ZNF280D: variants seen among roughly 807,000 people sequenced by gnomAD.
The protein encoded by ZNF280D is zinc finger protein 280D.
Under a neutral mutation model 94.7 loss-of-function variants are expected in ZNF280D, and 39 were observed. The observed-to-expected ratio is 0.41, with a 90% CI of 0.32 to 0.54. The LOEUF (loss-of-function observed/expected upper bound fraction) is 0.54. Among genes scored for constraint, ZNF280D ranks in the 20% least tolerant of loss-of-function variants. The pLI is 0.22. For missense variants in ZNF280D, 1,090 were observed against 1,149.3 expected (o/e 0.95, Z 0.75); for synonymous variants, 398 against 377.6 (o/e 1.05, Z -0.63).
intron 3 of ZNF280D, 104 bp downstream of exon 3, chr15:56,706,978 A>C: frequency 9.4e-7 from 1 of 1,064,760 alleles, no homozygotes. Context: ...AATTTTAAGC[A>C]TTTTTGTTTT....
At chr15:56,720,842 G>C (rs2058316447) in intron 1 of ZNF280D, among the ~76,000 whole-genome samples, 1 of 151,976 alleles carries the variant, frequency 6.6e-6, no homozygotes, top group Non-Finnish European at 1.5e-5. Flanking sequence ...TTCAATAACA[G>C]GCTTAAATTT....
At chr15:56,723,625 T>C (rs1468349447) in intron 1 of ZNF280D, among the ~76,000 whole-genome samples, 1 of 152,204 alleles carries the variant, frequency 6.6e-6, no homozygotes, top group Non-Finnish European at 1.5e-5. Context: ...TGGAGGTTTT[T>C]TTCAATGTCT....
chr15:56,635,112 G>T, intron 21 of ZNF280D, 83 bp downstream of exon 21: 1 of 778,968 alleles, frequency 1.3e-6, no homozygotes, highest in Non-Finnish European at 2.0e-6. Context: ...ATAGTCCTTT[G>T]CCAGTTAACT....
chr15:56,642,556 C>T (rs1244223747), intron 20 of ZNF280D, among the ~76,000 whole-genome samples: 4 of 151,658 alleles, frequency 2.6e-5, no homozygotes, highest in Non-Finnish European at 4.4e-5. Flanking sequence ...CAAAATATTT[C>T]TATTTTAAAA....
intron 13 of ZNF280D, among the ~76,000 whole-genome samples, chr15:56,671,584 T>C (rs555817711): frequency 6.6e-6 from 1 of 152,278 alleles, no homozygotes; most frequent in Non-Finnish European, 1.5e-5. Flanking sequence ...TATAGCCCTG[T>C]AGTATAGTTT....
chr15:56,714,528 T>C (rs1349830472), intron 1 of ZNF280D, among the ~76,000 whole-genome samples: 2 of 152,116 alleles, frequency 1.3e-5, no homozygotes, highest in African/African-American at 2.4e-5. Context: ...AGGGAAAAGG[T>C]TGGAATTCAG....
chr15:56,727,381 C>T (rs938523523), intron 1 of ZNF280D, among the ~76,000 whole-genome samples: 2 of 152,120 alleles, frequency 1.3e-5, no homozygotes, highest in Admixed American at 6.5e-5. Context: ...ATCACTTGAA[C>T]CCGGGAAGTG....
At chr15:56,718,374 G>A (rs899975841) in intron 1 of ZNF280D, among the ~76,000 whole-genome samples, 1 of 152,070 alleles carries the variant, frequency 6.6e-6, no homozygotes, top group Admixed American at 6.5e-5. Flanking sequence ...ATGTTTGAGG[G>A]CTTAAATCAA....
At chr15:56,691,170 A>G (rs1460978647) in intron 7 of ZNF280D, among the ~76,000 whole-genome samples, 1 of 152,186 alleles carries the variant, frequency 6.6e-6, no homozygotes, top group Admixed American at 6.5e-5. Context: ...CTCAGAGGGG[A>G]AAAATATAAT....
intron 6 of ZNF280D, chr15:56,699,280 A>C (rs1473209288): frequency 1.5e-6 from 1 of 650,864 alleles, no homozygotes; most frequent in Admixed American, 6.3e-5. Flanking sequence ...AATAGAAATG[A>C]GATTGGAAAC....
At chr15:56,651,207 A>G (rs1262420614) in intron 19 of ZNF280D, among the ~76,000 whole-genome samples, 2 of 152,234 alleles carry the variant, frequency 1.3e-5, no homozygotes, top group Non-Finnish European at 2.9e-5. Context: ...AAACAGGGCA[A>G]GAATCTGAGC....
Position 56,669,984 on chromosome 15 carries a change from TTATATATATATATTATATATATATA to T in ZNF280D, c.1411-1052_1411-1028del. ...ATATTATATATATATAATATATATATTATATATATATATTATATATATATAATATATATATATAGTGGTTTTAGAG... is the reference window on the plus strand; with the variant it reads ...ATATTATATATATATAATATATATATATATATATATATAGTGGTTTTAGAG... On this transcript the variant is annotated intron_variant, in intron 13 of 21. Coordinates refer to ENST00000267807, the MANE Select transcript of ZNF280D (RefSeq NM_017661.4). Among the ~76,000 whole-genome samples, 22 of 1,678 alleles carry T rather than the reference TTATATATATATATTATATATATATA, an allele frequency of 0.013. 8 individuals are homozygous for T. The South Asian group carries it at 0.18, about 14-fold the overall frequency. The allele number at this position is 1,678 out of a possible 152,430, so 1.1% of individuals were successfully genotyped here. A position where few individuals can be genotyped will look rare whatever the true frequency, so the allele number is the denominator to read the frequency against.
intron 1 of ZNF280D, among the ~76,000 whole-genome samples, chr15:56,719,265 T>C (rs998232416): frequency 6.6e-6 from 1 of 152,218 alleles, no homozygotes; most frequent in Middle Eastern, 3.4e-3. Flanking sequence ...CACCAATGGC[T>C]TGGTGCTGTC....
intron 14 of ZNF280D, chr15:56,668,325 CAT>C (rs770339534): frequency 2.3e-5 from 8 of 354,140 alleles, no homozygotes; most frequent in East Asian, 8.4e-5. Flanking sequence ...TGCAGTCAGA[CAT>C]GTGTTTGCTC....
intron 1 of ZNF280D, among the ~76,000 whole-genome samples, chr15:56,724,193 T>C (rs1470100096): frequency 1.3e-5 from 2 of 152,228 alleles, no homozygotes; most frequent in Non-Finnish European, 2.9e-5. Context: ...TAAACCATCT[T>C]AAGCTGGGGA....
chr15:56,676,954 C>G, intron 12 of ZNF280D, 138 bp from the exon 13 acceptor site: 1 of 616,642 alleles, frequency 1.6e-6, no homozygotes, highest in South Asian at 2.4e-5. Flanking sequence ...AACCAAGAAT[C>G]TCACTAAGGC....
intron 14 of ZNF280D, among the ~76,000 whole-genome samples, chr15:56,667,573 G>C (rs2054380351): frequency 6.6e-6 from 1 of 152,108 alleles, no homozygotes; most frequent in Non-Finnish European, 1.5e-5. Context: ...TTAGTATTCA[G>C]AATGAGAAAA....
chr15:56,666,587 T>A (rs1290917320), intron 15 of ZNF280D, 52 bp from the exon 16 acceptor site: 3 of 1,527,270 alleles, frequency 2.0e-6, no homozygotes, highest in Non-Finnish European at 2.6e-6. Context: ...ACAAAAATAA[T>A]AAGGAAGAGC....
At chr15:56,715,622 A>C (rs147456796) in intron 1 of ZNF280D, among the ~76,000 whole-genome samples, 1 of 152,322 alleles carries the variant, frequency 6.6e-6, no homozygotes, top group East Asian at 1.9e-4. Flanking sequence ...GGATCTAAAA[A>C]CAAATGAAGG....
Sources: allele counts gnomAD v4.1 joint callset (sites outside exome capture counted in the v4.1 genomes callset), GRCh38; gene constraint gnomAD v4.1.1; transcripts MANE v1.5; gene names NCBI Gene and HGNC (gene_info 2026-07-23, HGNC 2026-07-21).